TNFSF15: variants seen among roughly 807,000 people sequenced by gnomAD.
The protein encoded by TNFSF15 is tumor necrosis factor ligand superfamily member 15.
Under a neutral mutation model 26.4 loss-of-function variants are expected in TNFSF15, and 15 were observed. The ratio of observed to expected loss-of-function variants is 0.57; its 90% CI spans 0.38 to 0.87. The LOEUF is 0.87. Ranked by LOEUF, TNFSF15 falls within the 40% of genes least tolerant of loss-of-function variation. TNFSF15 has a pLI of 0.00. For missense variants in TNFSF15, 290 were observed against 306.1 expected (o/e 0.95, Z 0.39); for synonymous variants, 116 against 115.0 (o/e 1.01, Z -0.06).
rs1198091261 is a variant in TNFSF15, at chr9:114,789,115, A to G, written c.*1337T>C. 1 of 152,180 alleles carries G rather than the reference A, an allele frequency of 6.6e-6. No individual in the cohort carries two copies. The highest frequency in any genetic ancestry group is 1.5e-5 in the Non-Finnish European group (1 of 68,036). 9.4% of individuals were successfully genotyped at this position (152,180 alleles called of 1,614,324 possible). ...ACTTCTTTTTTCCCTTCCCCCATGG[A>G]ATAAGTCCATTGTCTCTCAGCATCA... On this transcript the variant is annotated 3_prime_UTR_variant, in exon 4 of 4. Transcript: ENST00000374045.
intron 1 of TNFSF15, among the ~76,000 whole-genome samples, chr9:114,798,109 C>T (rs186553516): frequency 1.9e-4 from 29 of 152,234 alleles, no homozygotes; most frequent in Non-Finnish European, 3.2e-4. Flanking sequence ...TCATTTAGTA[C>T]GAGGGCCTCT....
At chr9:114,805,508 T>G (rs986537198) in intron 1 of TNFSF15, among the ~76,000 whole-genome samples, 1 of 152,166 alleles carries the variant, frequency 6.6e-6, no homozygotes, top group Non-Finnish European at 1.5e-5. Context: ...GTTTTTTTCT[T>G]AAATAAAAAG....
Position 114,787,264 on chromosome 9 carries a change from C to T in TNFSF15, c.*3188G>A, listed in dbSNP as rs1829517356. 1 of 152,148 alleles carries T rather than the reference C, an allele frequency of 6.6e-6. No individual in the cohort carries two copies. Among genetic ancestry groups the T allele is most frequent in the African/African-American group, 2.4e-5 (1 of 41,418 alleles). 9.4% of individuals were successfully genotyped at this position (152,148 alleles called of 1,614,324 possible). A position where few individuals can be genotyped will look rare whatever the true frequency, so the allele number is the denominator to read the frequency against. ...TTTTTAAAAAAACACTTCGAGTAAACACAAATCATTTTGTTAGTCATCAGC... is the reference window on the plus strand; with the variant it reads ...TTTTTAAAAAAACACTTCGAGTAAATACAAATCATTTTGTTAGTCATCAGC... On this transcript the variant is annotated 3_prime_UTR_variant, in exon 4 of 4. Coordinates refer to ENST00000374045, the MANE Select transcript of TNFSF15 (RefSeq NM_005118.4).
At chr9:114,799,566 G>A (rs1829714055) in intron 1 of TNFSF15, among the ~76,000 whole-genome samples, 1 of 152,186 alleles carries the variant, frequency 6.6e-6, no homozygotes, top group African/African-American at 2.4e-5. Flanking sequence ...CTTTCAGAGT[G>A]CAAATAGATT....
chr9:114,793,067 T>C (rs531410055), intron 2 of TNFSF15, among the ~76,000 whole-genome samples: 1 of 152,338 alleles, frequency 6.6e-6, no homozygotes, highest in African/African-American at 2.4e-5. Flanking sequence ...GGATTAGGCA[T>C]GGTCTAATTA....
intron 3 of TNFSF15, 126 bp from the exon 4 acceptor site, chr9:114,791,032 T>A: frequency 1.2e-6 from 1 of 854,692 alleles, no homozygotes; most frequent in Non-Finnish European, 1.8e-6. Context: ...AAAAACTGCT[T>A]TGGGGAGGAA....
At chr9:114,795,507 C>A (rs1278809798) in intron 1 of TNFSF15, among the ~76,000 whole-genome samples, 3 of 152,190 alleles carry the variant, frequency 2.0e-5, no homozygotes, top group African/African-American at 7.2e-5. Context: ...GTATCATAAG[C>A]ATTTACATGT....
chr9:114,801,608 A>G (rs1829749302), intron 1 of TNFSF15, among the ~76,000 whole-genome samples: 1 of 152,222 alleles, frequency 6.6e-6, no homozygotes, highest in African/African-American at 2.4e-5. Flanking sequence ...TCACTCCTTG[A>G]CAGACACTTC....
At chr9:114,793,442 T>C in intron 2 of TNFSF15, 84 bp downstream of exon 2, 1 of 1,489,466 alleles carries the variant, frequency 6.7e-7, no homozygotes, top group Admixed American at 1.7e-5. Flanking sequence ...ACTTAAAGAC[T>C]CATCTCTGAA....
At chr9:114,791,073 A>G (rs1175556104) in intron 3 of TNFSF15, 167 bp from the exon 4 acceptor site, 1 of 668,634 alleles carries the variant, frequency 1.5e-6, no homozygotes, top group East Asian at 2.7e-5. Context: ...GGACATACAC[A>G]TTTGTTCAAA....
intron 1 of TNFSF15, among the ~76,000 whole-genome samples, chr9:114,799,073 A>G (rs922085140): frequency 6.6e-6 from 1 of 152,182 alleles, no homozygotes; most frequent in Non-Finnish European, 1.5e-5. Context: ...GAAATGTTTT[A>G]TTCTGAGGTC....
At chr9:114,798,012 G>A (rs967779442) in intron 1 of TNFSF15, among the ~76,000 whole-genome samples, 6 of 152,204 alleles carry the variant, frequency 3.9e-5, no homozygotes, top group Non-Finnish European at 7.3e-5. Flanking sequence ...GAGTCAGAGA[G>A]GGGGTGAGGA....
At position 114,788,638 on chromosome 9, in the gene TNFSF15, C is replaced by T. The variant is rs1829543605; in HGVS notation, c.*1814G>A. 1 of 152,214 alleles carries T rather than the reference C, an allele frequency of 6.6e-6. No individual in the cohort carries two copies. Among genetic ancestry groups the T allele is most frequent in the African/African-American group, 2.4e-5 (1 of 41,452 alleles). The allele number at this position is 152,214 out of a possible 1,614,324, so 9.4% of individuals were successfully genotyped here. A position where few individuals can be genotyped will look rare whatever the true frequency, so the allele number is the denominator to read the frequency against. On this transcript the variant is annotated 3_prime_UTR_variant, in exon 4 of 4. Transcript: ENST00000374045. Reference sequence around the variant, plus strand: ...TTGGTGCCAAATTTCCTCTCAGACTCATCCATGAGGTCTCCCAGGATAGGA... The same window carrying T: ...TTGGTGCCAAATTTCCTCTCAGACTTATCCATGAGGTCTCCCAGGATAGGA...
In TNFSF15 at chr9:114,788,193, G is replaced by C. The variant is rs1829535708; in HGVS notation, c.*2259C>G. ...ATATTCTCCTATCAAGCAAGTTTTGGAGTTACTGAGAAATCTTTCTTTTCT... is the reference window on the plus strand; with the variant it reads ...ATATTCTCCTATCAAGCAAGTTTTGCAGTTACTGAGAAATCTTTCTTTTCT... On this transcript the variant is annotated 3_prime_UTR_variant, in exon 4 of 4. Coordinates refer to ENST00000374045, the MANE Select transcript of TNFSF15 (RefSeq NM_005118.4). 6.5e-6 allele frequency: 1 copy of C among 153,744 alleles called. No homozygotes were observed. The highest frequency in any genetic ancestry group is 2.4e-5 in the African/African-American group (1 of 41,458). 9.5% of individuals were successfully genotyped at this position (153,744 alleles called of 1,614,324 possible).
At chr9:114,803,556 A>T in intron 1 of TNFSF15, among the ~76,000 whole-genome samples, 1 of 151,896 alleles carries the variant, frequency 6.6e-6, no homozygotes, top group Admixed American at 6.6e-5. Flanking sequence ...GTCCCTCCAG[A>T]TCCTCTCTCA....
Position 114,790,609 on chromosome 9 carries a change from G to A in TNFSF15, c.599C>T (p.Ser200Phe). The A allele has an allele frequency of 6.2e-7, 1 of 1,614,094 alleles. No individual in the cohort carries two copies. Among genetic ancestry groups the A allele is most frequent in the Non-Finnish European group, 8.5e-7 (1 of 1,180,026 alleles). The change falls in exon 4 of 4, where the codon TCT becomes TTT. Residue 200 changes from serine to phenylalanine, a missense_variant. By Grantham distance (155) the Ser-to-Phe change is radical. This residue lies in a region of TNFSF15 where 102 missense variants were observed against 114.7 expected (regional missense o/e 0.89). Transcript: ENST00000374045. Reference protein sequence around the residue: ...EPTQLLMGTKSVCEVGSNWFQ... With the variant: ...EPTQLLMGTKFVCEVGSNWFQ... ...CCAGTTGCTACCTACTTCGCATACA[G>A]ACTTGGTCCCCATGAGGAGCTGGGT...
chr9:114,792,574 T>G, intron 2 of TNFSF15, 120 bp from the exon 3 acceptor site: 1 of 1,555,528 alleles, frequency 6.4e-7, no homozygotes, highest in Non-Finnish European at 8.7e-7. Flanking sequence ...TCCAGCTTGG[T>G]CCAGTGCCAC....
chr9:114,796,341 C>A (rs1829671954), intron 1 of TNFSF15, among the ~76,000 whole-genome samples: 1 of 152,138 alleles, frequency 6.6e-6, no homozygotes, highest in African/African-American at 2.4e-5. Flanking sequence ...GCTTATAAAC[C>A]TTCAATGGCT....
chr9:114,792,586 C>G, intron 2 of TNFSF15, 132 bp from the exon 3 acceptor site: 1 of 1,536,052 alleles, frequency 6.5e-7, no homozygotes, highest in Non-Finnish European at 8.7e-7. Flanking sequence ...CAGTGCCACT[C>G]CTTGCAGGAT....
Sources: allele counts gnomAD v4.1 joint callset (sites outside exome capture counted in the v4.1 genomes callset), GRCh38; gene constraint gnomAD v4.1.1; regional missense constraint gnomAD v4.1.1; transcripts MANE v1.5; gene names NCBI Gene and HGNC (gene_info 2026-07-23, HGNC 2026-07-21).